Variants in BCAS3 observed in about 807,000 individuals in gnomAD.
BCAS3 encodes the protein BCAS4/BCAS3 fusion.
In BCAS3, 53 loss-of-function variants were observed where a neutral mutation model predicts 116.1. That is an observed-to-expected ratio of 0.46 (90% CI 0.37 to 0.57). The LOEUF (loss-of-function observed/expected upper bound fraction) is 0.57. BCAS3 is among the 20% of genes least tolerant of loss of function. The pLI is 0.00. For missense variants in BCAS3, 917 were observed against 1,165.4 expected (o/e 0.79, Z 3.10); for synonymous variants, 391 against 408.2 (o/e 0.96, Z 0.51).
At chr17:61,167,704 GC>G (rs1201462371) in intron 22 of BCAS3, among the ~76,000 whole-genome samples, 1 of 152,198 alleles carries the variant, frequency 6.6e-6, no homozygotes, top group African/African-American at 2.4e-5. Flanking sequence ...ACGTACATAT[GC>G]TGTGGGAGCC....
In BCAS3 at chr17:61,193,072, G is replaced by A. The variant is rs191883096; in HGVS notation, c.2425+108508G>A. Reference sequence around the variant, plus strand: ...AGCTCAGGAATTCAAGACCACGCTGGCCAACGTGGCAAAACCCCTTCTCTA... The same window carrying A: ...AGCTCAGGAATTCAAGACCACGCTGACCAACGTGGCAAAACCCCTTCTCTA... On this transcript the variant is annotated intron_variant, in intron 22 of 23. Transcript: ENST00000407086. Among the ~76,000 whole-genome samples the A allele has an allele frequency of 5.7e-4, 86 of 152,070 alleles. 1 individual carries two copies. The East Asian group carries it at 8.6e-3, about 15-fold the overall frequency.
chr17:60,988,360 T>TA (rs1555651710), intron 14 of BCAS3, among the ~76,000 whole-genome samples: 5 of 134,820 alleles, frequency 3.7e-5, no homozygotes, highest in Non-Finnish European at 6.1e-5. Flanking sequence ...TTTTTTTTTT[T>TA]ATGTATGTGT....
chr17:61,062,014 A>T (rs962478082), intron 19 of BCAS3, among the ~76,000 whole-genome samples: 1 of 152,080 alleles, frequency 6.6e-6, no homozygotes, highest in African/African-American at 2.4e-5. Flanking sequence ...AAAACACATA[A>T]CCCACTATGC....
At chr17:60,906,535 T>A (rs1236212375) in intron 11 of BCAS3, among the ~76,000 whole-genome samples, 1 of 152,150 alleles carries the variant, frequency 6.6e-6, no homozygotes, top group Non-Finnish European at 1.5e-5. Context: ...AAAACACCAC[T>A]TAGTTTCTTA....
chr17:60,684,806 T>C (rs2033778129), intron 3 of BCAS3, among the ~76,000 whole-genome samples: 1 of 152,100 alleles, frequency 6.6e-6, no homozygotes, highest in Non-Finnish European at 1.5e-5. Flanking sequence ...TTGACTACCA[T>C]GGGTATGTGT....
At position 61,339,633 on chromosome 17, in the gene BCAS3, G is replaced by T. The variant is rs2056991311; in HGVS notation, c.2426-28694G>T. Among the ~76,000 whole-genome samples the T allele has an allele frequency of 6.6e-6, 1 of 152,112 alleles. No homozygotes were observed. The highest frequency in any genetic ancestry group is 2.4e-5 in the African/African-American group (1 of 41,432). On this transcript the variant is annotated intron_variant, in intron 22 of 23. Transcript: ENST00000407086. The surrounding 1 kb of genome is among the most constrained non-coding windows in gnomAD (Gnocchi z 4.4). ...ATACAAAAATTAGCCGGGCGTGGTG[G>T]TGCCCATCTGTAATCCCAGCTACTC...
intron 6 of BCAS3, among the ~76,000 whole-genome samples, chr17:60,759,824 C>T (rs1325916056): frequency 1.3e-5 from 2 of 152,002 alleles, no homozygotes; most frequent in Admixed American, 6.6e-5. Flanking sequence ...ACCACCATGC[C>T]TGGCTAACTT....
chr17:61,250,032 C>T (rs750688041), intron 22 of BCAS3, among the ~76,000 whole-genome samples: 4 of 152,068 alleles, frequency 2.6e-5, no homozygotes, highest in East Asian at 1.9e-4. Context: ...GAGAAGGTTA[C>T]GAAATGGCCC....
chr17:61,336,924 C>T (rs1482652255), intron 22 of BCAS3, among the ~76,000 whole-genome samples: 1 of 152,040 alleles, frequency 6.6e-6, no homozygotes, highest in Non-Finnish European at 1.5e-5. Flanking sequence ...ACCAGCCTGG[C>T]CAACATGGTG....
chr17:61,206,801 CAAAAAAAAAAA>C (rs71148392), intron 22 of BCAS3, among the ~76,000 whole-genome samples: 4 of 74,926 alleles, frequency 5.3e-5, no homozygotes, highest in African/African-American at 1.0e-4. Context: ...AACTCTGTCT[CAAAAAAAAAAA>C]AAAAAAAAAA....
intron 5 of BCAS3, among the ~76,000 whole-genome samples, chr17:60,724,104 A>G (rs1045821438): frequency 6.6e-6 from 1 of 151,226 alleles, no homozygotes; most frequent in African/African-American, 2.4e-5. Context: ...TTATTTTTGT[A>G]TCTTTGTTTA....
At chr17:61,263,699 T>C (rs1159306209) in intron 22 of BCAS3, among the ~76,000 whole-genome samples, 2 of 152,216 alleles carry the variant, frequency 1.3e-5, no homozygotes, top group Non-Finnish European at 2.9e-5. Context: ...TTATTTAAAA[T>C]CTCAATTTCT....
In BCAS3 at chr17:61,188,291, TTTCTC is replaced by T. The variant is rs2144210314; in HGVS notation, c.2425+103731_2425+103735del. ...GATACCTGAAACCTCCTACTTCTCTTTTCTCTTCAGCCAAAAGTATTACCTATTAT... is the reference window on the plus strand; with the variant it reads ...GATACCTGAAACCTCCTACTTCTCTTTTCAGCCAAAAGTATTACCTATTAT... On this transcript the variant is annotated intron_variant, in intron 22 of 23. Coordinates refer to ENST00000407086, the MANE Select transcript of BCAS3 (RefSeq NM_017679.5). This position sits in a 1 kb window ranked among gnomAD's most constrained non-coding sequence, Gnocchi z 4.0. 1.3e-5 allele frequency among the ~76,000 whole-genome samples: 2 copies of T among 152,350 alleles called. No individual in the cohort carries two copies. The highest frequency in any genetic ancestry group is 3.9e-4 in the East Asian group (2 of 5,188).
At chr17:61,230,799 A>G (rs970258767) in intron 22 of BCAS3, among the ~76,000 whole-genome samples, 1 of 152,020 alleles carries the variant, frequency 6.6e-6, no homozygotes, top group African/African-American at 2.4e-5. Context: ...TCCTTTGGAT[A>G]TATATATACC....
chr17:60,811,127 A>T (rs1423230830), intron 7 of BCAS3: 2 of 631,246 alleles, frequency 3.2e-6, no homozygotes, highest in African/African-American at 3.6e-5. Flanking sequence ...GCCAGCTTGC[A>T]GAACAGCCTG....
Position 61,239,950 on chromosome 17 carries a change from C to A in BCAS3, c.2426-128377C>A, listed in dbSNP as rs988105491. On this transcript the variant is annotated intron_variant, in intron 22 of 23. Transcript: ENST00000407086. This position sits in a 1 kb window ranked among gnomAD's most constrained non-coding sequence, Gnocchi z 4.2. ...TAATTGTTGTGTTGGAAGTTCTCAG[C>A]CCTAAAAGTTCTGCACTTGAATGTT... 6.6e-6 allele frequency among the ~76,000 whole-genome samples: 1 copy of A among 152,172 alleles called. No homozygotes were observed. The highest frequency in any genetic ancestry group is 2.4e-5 in the African/African-American group (1 of 41,442).
In BCAS3 at chr17:61,367,249, A is replaced by G. The variant is rs2058792426; in HGVS notation, c.2426-1078A>G. On this transcript the variant is annotated intron_variant, in intron 22 of 23. Transcript: ENST00000407086. The surrounding 1 kb of genome is among the most constrained non-coding windows in gnomAD (Gnocchi z 6.2). ...CCGATGCTGGCAGGAACCAAGCCCAATAAATGCAGTGGATTCAGTTACCTA... is the reference window on the plus strand; with the variant it reads ...CCGATGCTGGCAGGAACCAAGCCCAGTAAATGCAGTGGATTCAGTTACCTA... Among the ~76,000 whole-genome samples the G allele has an allele frequency of 6.6e-6, 1 of 152,388 alleles. No individual in the cohort carries two copies. The highest frequency in any genetic ancestry group is 1.5e-5 in the Non-Finnish European group (1 of 68,044).
At chr17:61,025,950 A>G (rs913187580) in intron 16 of BCAS3, among the ~76,000 whole-genome samples, 2 of 152,084 alleles carry the variant, frequency 1.3e-5, no homozygotes, top group Non-Finnish European at 2.9e-5. Flanking sequence ...TCTAGAACCA[A>G]TTTTGAAGAA....
rs775357057 is a variant in BCAS3 at position 61,244,679 on chromosome 17, C to T, written c.2426-123648C>T. Reference sequence around the variant, plus strand: ...GAGATCGAGACCATCCTGGCTAACACGGTGAAACTTCATCTCTACTAAAAA... The same window carrying T: ...GAGATCGAGACCATCCTGGCTAACATGGTGAAACTTCATCTCTACTAAAAA... On this transcript the variant is annotated intron_variant, in intron 22 of 23. Transcript: ENST00000407086. This position sits in a 1 kb window ranked among gnomAD's most constrained non-coding sequence, Gnocchi z 4.9. 9.9e-5 allele frequency among the ~76,000 whole-genome samples: 15 copies of T among 152,084 alleles called. No homozygotes were observed. The highest frequency in any genetic ancestry group is 1.9e-4 in the East Asian group (1 of 5,156).
Sources: allele counts gnomAD v4.1 joint callset (sites outside exome capture counted in the v4.1 genomes callset), GRCh38; gene constraint gnomAD v4.1.1; non-coding constraint Gnocchi (gnomAD v3.1); transcripts MANE v1.5; gene names NCBI Gene and HGNC (gene_info 2026-07-23, HGNC 2026-07-21).